The following ZNF462 variants were observed in gnomAD, a reference collection of about 807,000 sequenced individuals.
ZNF462 encodes the protein zinc finger protein 462.
In ZNF462, 10 loss-of-function variants were observed where a neutral mutation model predicts 201.9. That is an observed-to-expected ratio of 0.05 (90% CI 0.03 to 0.08). ZNF462 has a LOEUF of 0.08. Ranked by LOEUF, ZNF462 falls within the 10% of genes least tolerant of loss-of-function variation. The probability of loss-of-function intolerance (pLI) is 1.00; values close to 1 mark genes in which losing one functional copy is unlikely to be tolerated. For synonymous variants in ZNF462, 1,227 were observed against 1,193.3 expected, an observed-to-expected ratio of 1.03 and a Z score of -0.58; for missense variants, 2,523 against 3,168.3, an observed-to-expected ratio of 0.80 and a Z score of 4.89.
At chr9:106,882,466 A>G (rs1274095579) in intron 1 of ZNF462, among the ~76,000 whole-genome samples, 1 of 152,238 alleles carries the variant, frequency 6.6e-6, no homozygotes, top group East Asian at 1.9e-4. Flanking sequence ...AAAAAATGAA[A>G]GTTAATGTAA....
intron 10 of ZNF462, among the ~76,000 whole-genome samples, chr9:106,998,601 A>G (rs893843633): frequency 7.3e-5 from 11 of 151,690 alleles, no homozygotes; most frequent in African/African-American, 2.7e-4. Context: ...TCTCACTTTT[A>G]TTTTTATTTA....
At chr9:106,861,876 C>G (rs180786971), upstream of ZNF462, among the ~76,000 whole-genome samples, 70 of 152,314 alleles carry the variant, frequency 4.6e-4, no homozygotes, top group East Asian at 0.013. Flanking sequence ...GACACCTTAT[C>G]ATTAAGAGCG....
In ZNF462 at chr9:106,981,737, T is replaced by G. The variant is rs756592259; in HGVS notation, c.6833-2449T>G. 2.0e-5 allele frequency among the ~76,000 whole-genome samples: 3 copies of G among 152,068 alleles called. No homozygotes were observed. Among genetic ancestry groups the G allele is most frequent in the African/African-American group, 7.2e-5 (3 of 41,400 alleles). ...AAACCAACCTAAGTGGTAGAGGAAT[T>G]GAAAAGGAGGCTCATAAAAAAGTTT... is the stretch of plus-strand genomic sequence containing the variant. On this transcript the variant is annotated intron_variant, in intron 9 of 12. Coordinates refer to ENST00000277225, the MANE Select transcript of ZNF462 (RefSeq NM_021224.6). The surrounding 1 kb of genome is among the most constrained non-coding windows in gnomAD (Gnocchi z 4.0).
rs535249485 is a variant in ZNF462 at position 106,880,605 on chromosome 9, G to A, written c.-31+17250G>A. Among the ~76,000 whole-genome samples, 1 of 152,302 alleles carries A rather than the reference G, an allele frequency of 6.6e-6. No individual in the cohort carries two copies. Among genetic ancestry groups the A allele is most frequent in the South Asian group, 2.1e-4 (1 of 4,824 alleles). On this transcript the variant is annotated intron_variant, in intron 1 of 12. Coordinates refer to ENST00000277225, the MANE Select transcript of ZNF462 (RefSeq NM_021224.6). The surrounding 1 kb of genome is among the most constrained non-coding windows in gnomAD (Gnocchi z 4.1). ...CTGCCTTTCTGGTGTCAGTTTTGTG[G>A]AGCTGCTAGAATAGAAAGAGTGGTT...
intron 10 of ZNF462, chr9:106,995,509 C>G (rs1588179752): frequency 6.6e-6 from 1 of 152,242 alleles, no homozygotes; most frequent in Non-Finnish European, 1.5e-5. Flanking sequence ...AGTAATTTTG[C>G]ATTTCTGCAG....
At position 106,974,212 on chromosome 9, in the gene ZNF462, T is replaced by C. The variant is rs754938206; in HGVS notation, c.6771T>C (p.Pro2257=). Residue 2257 remains proline, a synonymous_variant, in exon 9 of 13, where the codon CCT becomes CCC. Transcript: ENST00000277225. The surrounding 1 kb of genome is among the most constrained non-coding windows in gnomAD (Gnocchi z 4.0). ...PEEGPKDLRC[P]LCLYHTKYKR... The stretch of plus-strand genomic sequence containing the variant: ...AGGGCCCCAAAGATCTTCGCTGTCC[T>C]CTCTGCCTCTATCACACCAAATACA... 1 of 1,614,140 alleles carries C rather than the reference T, an allele frequency of 6.2e-7. No homozygotes were observed. The highest frequency in any genetic ancestry group is 8.5e-7 in the Non-Finnish European group (1 of 1,180,016).
chr9:106,954,861 T>C lies in ZNF462; in HGVS notation c.6427+15754T>C, dbSNP rs1416551931. ...ATAATATTACCAGGAGGGAGCTCTT[T>C]AGGAGCAGGGTTTTTGTTATTTTTT... is the stretch of plus-strand genomic sequence containing the variant. On this transcript the variant is annotated intron_variant, in intron 7 of 12. Transcript: ENST00000277225. The surrounding 1 kb of genome is among the most constrained non-coding windows in gnomAD (Gnocchi z 4.0). Among the ~76,000 whole-genome samples, 2 of 152,154 alleles carry C rather than the reference T, an allele frequency of 1.3e-5. No individual in the cohort carries two copies. Among genetic ancestry groups the C allele is most frequent in the Non-Finnish European group, 2.9e-5 (2 of 68,020 alleles).
Position 106,974,501 on chromosome 9 carries a change from A to G in ZNF462, c.6832+228A>G, listed in dbSNP as rs1826849767. 3.2e-6 allele frequency: 2 copies of G among 617,422 alleles called. No individual in the cohort carries two copies. Among genetic ancestry groups the G allele is most frequent in the African/African-American group, 1.8e-5 (1 of 54,484 alleles). The allele number at this position is 617,422 out of a possible 1,614,324, so 38.2% of individuals were successfully genotyped here. On this transcript the variant is annotated intron_variant, in intron 9 of 12. Transcript: ENST00000277225. This position sits in a 1 kb window ranked among gnomAD's most constrained non-coding sequence, Gnocchi z 4.0. The stretch of plus-strand genomic sequence containing the variant: ...GGGAGGCAAAGGTGATGGATTCTGC[A>G]GTGAACATTTCCGTAGGGCTTCCCA...
Position 106,924,651 on chromosome 9 carries a change from T to A in ZNF462, c.739T>A (p.Trp247Arg), listed in dbSNP as rs1232207618. The A allele has an allele frequency of 6.2e-7, 1 of 1,613,520 alleles. No individual in the cohort carries two copies. The highest frequency in any genetic ancestry group is 8.5e-7 in the Non-Finnish European group (1 of 1,179,910). Reference sequence around the variant, plus strand: ...ATCTCGAGGCAACTTTTGTTGTGAGTGGTGCAGCTACCAGACCCCCCGCCG... The same window carrying A: ...ATCTCGAGGCAACTTTTGTTGTGAGAGGTGCAGCTACCAGACCCCCCGCCG... ...TKSRGNFCCE[W>R]CSYQTPRRER... The change falls in exon 3 of 13, where the codon TGG (tryptophan) becomes AGG (arginine). Residue 247 changes from tryptophan to arginine, a missense_variant. By Grantham distance (101) the Trp-to-Arg change is moderately radical. Coordinates refer to ENST00000277225, the MANE Select transcript of ZNF462 (RefSeq NM_021224.6). This position sits in a 1 kb window ranked among gnomAD's most constrained non-coding sequence, Gnocchi z 6.2.
chr9:106,975,888 A>G (rs1448218924), intron 9 of ZNF462: 2 of 152,004 alleles, frequency 1.3e-5, no homozygotes, highest in African/African-American at 4.8e-5. Context: ...GACCACAAAT[A>G]CTCCCATAGC....
intron 10 of ZNF462, among the ~76,000 whole-genome samples, chr9:106,995,866 G>T (rs1053487651): frequency 6.6e-6 from 1 of 152,160 alleles, no homozygotes; most frequent in Non-Finnish European, 1.5e-5. Context: ...TGCACAACGT[G>T]CAGGTTTGTC....
chr9:106,884,052 A>G (rs912194970), intron 1 of ZNF462, among the ~76,000 whole-genome samples: 12 of 152,364 alleles, frequency 7.9e-5, no homozygotes, highest in Admixed American at 3.3e-4. Flanking sequence ...TTCTTTCTAA[A>G]TCACCATAAA....
chr9:106,912,505 C>G (rs1430767472), intron 1 of ZNF462, among the ~76,000 whole-genome samples: 4 of 152,206 alleles, frequency 2.6e-5, no homozygotes, highest in Non-Finnish European at 5.9e-5. Context: ...GATGAAGACT[C>G]ATTACTGAGA....
chr9:106,953,221 A>G (rs1423556715), intron 7 of ZNF462, among the ~76,000 whole-genome samples: 2 of 152,084 alleles, frequency 1.3e-5, no homozygotes, highest in East Asian at 3.9e-4. Flanking sequence ...TTTTATTGAA[A>G]CCACTTTCAT....
intron 5 of ZNF462, among the ~76,000 whole-genome samples, chr9:106,934,866 C>T (rs1830565533): frequency 6.6e-6 from 1 of 152,142 alleles, no homozygotes. Flanking sequence ...AGACTTACAG[C>T]AAACATGGTT....
At chr9:107,007,809 G>A (rs1211476156) in intron 11 of ZNF462, among the ~76,000 whole-genome samples, 1 of 152,186 alleles carries the variant, frequency 6.6e-6, no homozygotes. Context: ...CCAGTGCCCA[G>A]TGGCCTCCTC....
rs1166944146 is a variant in ZNF462, at chr9:106,954,451, C to A, written c.6427+15344C>A. On this transcript the variant is annotated intron_variant, in intron 7 of 12. Coordinates refer to ENST00000277225, the MANE Select transcript of ZNF462 (RefSeq NM_021224.6). The surrounding 1 kb of genome is among the most constrained non-coding windows in gnomAD (Gnocchi z 4.0). ...TCCCTTCCTTGACACGTGGGGATTA[C>A]AATTAGAGATGAGATTTGGGTGGGG... Among the ~76,000 whole-genome samples the A allele has an allele frequency of 2.0e-5, 3 of 149,750 alleles. No individual in the cohort carries two copies. The highest frequency in any genetic ancestry group is 4.4e-5 in the Non-Finnish European group (3 of 67,688).
At chr9:106,934,865 G>A (rs1336843421) in intron 5 of ZNF462, among the ~76,000 whole-genome samples, 1 of 152,148 alleles carries the variant, frequency 6.6e-6, no homozygotes, top group Non-Finnish European at 1.5e-5. Context: ...AAGACTTACA[G>A]CAAACATGGT....
chr9:106,926,383 T>C lies in ZNF462; in HGVS notation c.2471T>C (p.Ile824Thr). Residue 824 changes from isoleucine to threonine, a missense_variant, in exon 3 of 13, where the codon ATC (isoleucine) becomes ACC (threonine). This residue lies in a region of ZNF462 where 383 missense variants were observed against 453.4 expected (regional missense o/e 0.84). Transcript: ENST00000277225. The surrounding 1 kb of genome is among the most constrained non-coding windows in gnomAD (Gnocchi z 7.9). The stretch of plus-strand genomic sequence containing the variant: ...GCTCTGCTGAATACCCAAACTCCCA[T>C]CTATGGGACTGAGCACAATAGTGAA... Reference protein sequence around the residue: ...NTALLNTQTPIYGTEHNSENT... With the variant: ...NTALLNTQTPTYGTEHNSENT... 1 of 1,614,144 alleles carries C rather than the reference T, an allele frequency of 6.2e-7. No individual in the cohort carries two copies.
Sources: allele counts gnomAD v4.1 joint callset (sites outside exome capture counted in the v4.1 genomes callset), GRCh38; gene constraint gnomAD v4.1.1; regional missense constraint gnomAD v4.1.1; non-coding constraint Gnocchi (gnomAD v3.1); transcripts MANE v1.5; gene names NCBI Gene and HGNC (gene_info 2026-07-23, HGNC 2026-07-21).